Variants in MLPH observed in about 807,000 individuals in gnomAD.
The protein encoded by MLPH is exophilin-3.
Under a neutral mutation model 72.1 loss-of-function variants are expected in MLPH, and 51 were observed. The observed-to-expected ratio is 0.71, with a 90% confidence interval of 0.56 to 0.89. The LOEUF is 0.89. Ranked by LOEUF, MLPH falls within the 40% of genes least tolerant of loss-of-function variation. The pLI, the probability that MLPH is intolerant of heterozygous loss-of-function variation, is 0.00. For missense variants in MLPH, 743 were observed against 759.9 expected (o/e 0.98, Z 0.26); for synonymous variants, 301 against 310.1 (o/e 0.97, Z 0.31).
chr2:237,515,808 G>T (rs2080005219), intron 4 of MLPH, among the ~76,000 whole-genome samples: 1 of 152,146 alleles, frequency 6.6e-6, no homozygotes. Context: ...TGATGAAGCT[G>T]GACCAGCTGT....
Position 237,553,681 on chromosome 2 carries a change from A to G in MLPH, c.*89A>G, listed in dbSNP as rs8260. 279,633 of 1,556,024 alleles carry G rather than the reference A, an allele frequency of 0.18. 35,502 individuals are homozygous for G. The highest frequency in any genetic ancestry group is 0.6 in the African/African-American group (44,466 of 73,740). On this transcript the variant is annotated 3_prime_UTR_variant, in exon 16 of 16. Coordinates refer to ENST00000264605, the MANE Select transcript of MLPH (RefSeq NM_024101.7). ...CCTCATTGGCTCTGTGCTTTCCACTATACACAGTCACCGTCCCAATGAGAA... is the reference window on the plus strand; with the variant it reads ...CCTCATTGGCTCTGTGCTTTCCACTGTACACAGTCACCGTCCCAATGAGAA...
chr2:237,511,886 G>T (rs1193833731), intron 4 of MLPH, among the ~76,000 whole-genome samples: 1 of 152,148 alleles, frequency 6.6e-6, no homozygotes, highest in Non-Finnish European at 1.5e-5. Flanking sequence ...GATGCCGGGG[G>T]GTCTTTTGCA....
chr2:237,492,757 C>G (rs569463030), intron 1 of MLPH, among the ~76,000 whole-genome samples: 2 of 152,214 alleles, frequency 1.3e-5, no homozygotes, highest in African/African-American at 2.4e-5. Context: ...ATGACCTCCC[C>G]CTGGAACCAC....
chr2:237,510,447 A>G lies in MLPH; in HGVS notation c.111-127A>G. 1 of 963,138 alleles carries G rather than the reference A, an allele frequency of 1.0e-6. No individual in the cohort carries two copies. The highest frequency in any genetic ancestry group is 1.6e-6 in the Non-Finnish European group (1 of 612,836). The allele number at this position is 963,138 out of a possible 1,614,324, so 59.7% of individuals were successfully genotyped here. A position where few individuals can be genotyped will look rare whatever the true frequency, so the allele number is the denominator to read the frequency against. ...AACGTTGGGTCACTGTTTTCTGCAT[A>G]GGAGACAGTTACTGTGTGTGTGTAT... On this transcript the variant is annotated intron_variant, in intron 2 of 15. Coordinates refer to ENST00000264605, the MANE Select transcript of MLPH (RefSeq NM_024101.7). The surrounding 1 kb of genome is among the most constrained non-coding windows in gnomAD (Gnocchi z 4.4).
rs559802971 is a variant in MLPH, at chr2:237,492,281, T to C, written c.-24-1122T>C. 2.2e-4 allele frequency among the ~76,000 whole-genome samples: 34 copies of C among 152,200 alleles called. No individual in the cohort carries two copies. The South Asian group carries it at 7.1e-3, about 32-fold the overall frequency. On this transcript the variant is annotated intron_variant, in intron 1 of 15. Transcript: ENST00000264605. ...CATCTGAGGTTTGACTTCTTGGTCA[T>C]CAGGTTACCTACAAACACAGCATCA... is the stretch of plus-strand genomic sequence containing the variant.
At chr2:237,491,444 C>CG (rs1371065940) in intron 1 of MLPH, among the ~76,000 whole-genome samples, 1 of 152,214 alleles carries the variant, frequency 6.6e-6, no homozygotes, top group Admixed American at 6.5e-5. Flanking sequence ...ATCTGAGGGC[C>CG]GAGGGCTTCC....
chr2:237,534,345 C>G (rs948602837), intron 8 of MLPH, among the ~76,000 whole-genome samples: 7 of 152,214 alleles, frequency 4.6e-5, no homozygotes, highest in African/African-American at 9.7e-5. Context: ...CCACTCTCCC[C>G]TCTCTTGGTT....
rs561616259 is a variant in MLPH, at chr2:237,525,759, G to A, written c.834G>A (p.Pro278=). 81 of 1,613,732 alleles carry A rather than the reference G, an allele frequency of 5.0e-5. No homozygotes were observed. Among genetic ancestry groups the A allele is most frequent in the South Asian group, 3.5e-4 (32 of 91,076 alleles). Reference sequence around the variant, plus strand: ...ACGGCGCCCTGGCTGAGCTCTGCCCGCCTGGAGGCTCCCACAGGATGGCCC... The same window carrying A: ...ACGGCGCCCTGGCTGAGCTCTGCCCACCTGGAGGCTCCCACAGGATGGCCC... ...SRHGALAELC[P]PGGSHRMALG... is the part of the protein sequence containing the mutation. Residue 278 remains proline, a synonymous_variant, in exon 7 of 16, where the codon CCG becomes CCA. Coordinates refer to ENST00000264605, the MANE Select transcript of MLPH (RefSeq NM_024101.7).
At chr2:237,517,682 TGG>T (rs2080072945) in intron 4 of MLPH, among the ~76,000 whole-genome samples, 1 of 133,960 alleles carries the variant, frequency 7.5e-6, no homozygotes, top group Non-Finnish European at 1.6e-5. Context: ...AGTGGGTAGA[TGG>T]GTGGATGGAT....
chr2:237,532,505 G>T (rs184623275), intron 8 of MLPH, among the ~76,000 whole-genome samples: 2 of 152,378 alleles, frequency 1.3e-5, no homozygotes, highest in East Asian at 3.9e-4. Flanking sequence ...GGCCATTCGT[G>T]TGTGCTCGGG....
chr2:237,506,024 C>T (rs985261590), intron 2 of MLPH, among the ~76,000 whole-genome samples: 1 of 152,222 alleles, frequency 6.6e-6, no homozygotes, highest in African/African-American at 2.4e-5. Flanking sequence ...TCTCCCATCG[C>T]TTAGTCCCTT....
intron 1 of MLPH, among the ~76,000 whole-genome samples, chr2:237,489,261 A>G (rs1224501195): frequency 1.3e-5 from 2 of 152,226 alleles, no homozygotes; most frequent in African/African-American, 2.4e-5. Flanking sequence ...CCATTTATAA[A>G]TGAGGTTTAC....
intron 2 of MLPH, among the ~76,000 whole-genome samples, 167 bp downstream of exon 2, chr2:237,493,703 A>G (rs548876065): frequency 3.9e-5 from 6 of 152,280 alleles, no homozygotes; most frequent in South Asian, 2.1e-4. Flanking sequence ...GGTTTTCTCA[A>G]TGAGAGGATC....
chr2:237,541,108 G>T lies in MLPH; in HGVS notation c.1446+151G>T. ...ATGCACGGCTCTGAAGGCCAGGCAT[G>T]AACCTGGGGGTTTCTGGGGGACTCA... On this transcript the variant is annotated intron_variant, in intron 11 of 15. Coordinates refer to ENST00000264605, the MANE Select transcript of MLPH (RefSeq NM_024101.7). The surrounding 1 kb of genome is among the most constrained non-coding windows in gnomAD (Gnocchi z 5.1). 1 of 1,087,480 alleles carries T rather than the reference G, an allele frequency of 9.2e-7. No individual in the cohort carries two copies. Among genetic ancestry groups the T allele is most frequent in the South Asian group, 1.4e-5 (1 of 73,258 alleles). The allele number at this position is 1,087,480 out of a possible 1,614,324, so 67.4% of individuals were successfully genotyped here.
Position 237,493,489 on chromosome 2 carries a change from T to G in MLPH, c.63T>G (p.Val21=). ...TDEEAQHVLE[V]VQRDFDLRRK... is the part of the protein sequence containing the mutation. ...AAGAGGCCCAGCATGTCTTGGAAGT[T>G]GTTCAACGAGATTTTGACCTCCGAA... The change falls in exon 2 of 16, where the codon GTT becomes GTG. Residue 21 remains valine, a synonymous_variant. Coordinates refer to ENST00000264605, the MANE Select transcript of MLPH (RefSeq NM_024101.7). 6.2e-7 allele frequency: 1 copy of G among 1,614,088 alleles called. No individual in the cohort carries two copies. Among genetic ancestry groups the G allele is most frequent in the South Asian group, 1.1e-5 (1 of 91,080 alleles).
intron 8 of MLPH, among the ~76,000 whole-genome samples, chr2:237,530,573 G>C (rs1372126979): frequency 6.6e-6 from 1 of 152,158 alleles, no homozygotes; most frequent in East Asian, 1.9e-4. Context: ...TCAACCCTGG[G>C]TGGAAGTTTC....
At chr2:237,539,805 G>A in intron 9 of MLPH, among the ~76,000 whole-genome samples, 1 of 152,244 alleles carries the variant, frequency 6.6e-6, no homozygotes, top group Non-Finnish European at 1.5e-5. Flanking sequence ...TGGCCTGATA[G>A]GGAGCCACAG....
intron 12 of MLPH, chr2:237,545,310 G>A (rs1275074982): frequency 3.2e-5 from 18 of 556,552 alleles, no homozygotes; most frequent in African/African-American, 1.4e-4. Flanking sequence ...CAGCACACAC[G>A]CCACCGTGGG....
At chr2:237,539,685 A>T (rs1044878313) in intron 9 of MLPH, among the ~76,000 whole-genome samples, 2 of 152,142 alleles carry the variant, frequency 1.3e-5, no homozygotes, top group Non-Finnish European at 2.9e-5. Context: ...CTTTACAGAG[A>T]TTATTGAACT....
Sources: gnomAD v4.1 joint callset for allele counts (sites outside exome capture counted in the v4.1 genomes callset) on GRCh38, gnomAD v4.1.1 for gene constraint, Gnocchi (gnomAD v3.1) non-coding constraint, MANE v1.5 for transcripts, NCBI Gene and HGNC (gene_info 2026-07-23, HGNC 2026-07-21) for gene names.